Variants in TAMM41 observed in about 807,000 individuals in gnomAD.
TAMM41 encodes the protein TAM41 mitochondrial translocator assembly and maintenance homolog.
Under a neutral mutation model 44.1 loss-of-function variants are expected in TAMM41, and 36 were observed. That is an observed-to-expected ratio of 0.82 (90% CI 0.63 to 1.08). The LOEUF (loss-of-function observed/expected upper bound fraction) is 1.08, where lower values mean the gene tolerates loss of function less well. Ranked by LOEUF, TAMM41 falls within the 50% of genes least tolerant of loss-of-function variation. TAMM41 has a pLI of 0.00. For synonymous variants in TAMM41, 164 were observed against 153.1 expected (o/e 1.07, Z -0.53); for missense variants, 417 against 404.3 (o/e 1.03, Z -0.27).
At chr3:11,784,053 C>T in the TAMM41 span, among the ~76,000 whole-genome samples, 1 of 152,184 alleles carries the variant, frequency 6.6e-6, no homozygotes, top group Non-Finnish European at 1.5e-5. Context: ...CAACCCGATA[C>T]AGACAGGACC....
the TAMM41 span, among the ~76,000 whole-genome samples, chr3:11,727,465 C>CTAT: frequency 6.6e-6 from 1 of 151,956 alleles, no homozygotes; most frequent in Non-Finnish European, 1.5e-5. Flanking sequence ...ACAGATGTTA[C>CTAT]TATTATTATT....
the TAMM41 span, among the ~76,000 whole-genome samples, chr3:11,754,421 T>A: frequency 0.016 from 2,415 of 152,292 alleles, 52 homozygotes; most frequent in African/African-American, 0.054. Context: ...TAACCCAGGC[T>A]GGAGTGCAGT....
At chr3:11,831,790 C>T (rs1446683043) in intron 3 of TAMM41, among the ~76,000 whole-genome samples, 1 of 152,170 alleles carries the variant, frequency 6.6e-6, no homozygotes. Context: ...AATTCTTTTA[C>T]CTTTTTTCCC....
the TAMM41 span, among the ~76,000 whole-genome samples, chr3:11,764,908 G>A: frequency 1.3e-5 from 2 of 152,056 alleles, no homozygotes; most frequent in Non-Finnish European, 2.9e-5. Context: ...TTTTACAATT[G>A]TTTTTGAAAC....
chr3:11,800,048 T>C (rs2077710098), intron 7 of TAMM41, among the ~76,000 whole-genome samples: 1 of 152,154 alleles, frequency 6.6e-6, no homozygotes, highest in Non-Finnish European at 1.5e-5. Context: ...ACTAATGGAA[T>C]CTGTCACCAC....
At chr3:11,780,051 A>G in the TAMM41 span, among the ~76,000 whole-genome samples, 16 of 152,224 alleles carry the variant, frequency 1.1e-4, no homozygotes, top group African/African-American at 3.4e-4. Context: ...TCTCAACTAG[A>G]TGACTACAGT....
chr3:11,846,052 G>A (rs559028479), intron 1 of TAMM41, among the ~76,000 whole-genome samples: 1 of 152,222 alleles, frequency 6.6e-6, no homozygotes, highest in African/African-American at 2.4e-5. Flanking sequence ...AAACTTGGCT[G>A]CGCATTAGAA....
At chr3:11,810,611 C>G (rs1021071048) in intron 5 of TAMM41, among the ~76,000 whole-genome samples, 1 of 152,110 alleles carries the variant, frequency 6.6e-6, no homozygotes, top group Non-Finnish European at 1.5e-5. Flanking sequence ...ATCCTTTTAA[C>G]AAATATTTAG....
At chr3:11,764,905 A>G in the TAMM41 span, among the ~76,000 whole-genome samples, 8 of 152,180 alleles carry the variant, frequency 5.3e-5, no homozygotes. Context: ...TATTTTTACA[A>G]TTGTTTTTGA....
At chr3:11,828,372 A>G (rs1430615574) in intron 4 of TAMM41, among the ~76,000 whole-genome samples, 2 of 152,196 alleles carry the variant, frequency 1.3e-5, no homozygotes, top group African/African-American at 2.4e-5. Flanking sequence ...AATATTCAGA[A>G]TTTAGAAGGA....
chr3:11,730,499 C>T, the TAMM41 span, among the ~76,000 whole-genome samples: 1 of 151,378 alleles, frequency 6.6e-6, no homozygotes, highest in Non-Finnish European at 1.5e-5. Flanking sequence ...TTTTGGGAGG[C>T]CAAGGCAGGT....
At chr3:11,739,880 G>C in the TAMM41 span, among the ~76,000 whole-genome samples, 2 of 151,980 alleles carry the variant, frequency 1.3e-5, no homozygotes, top group Non-Finnish European at 2.9e-5. Flanking sequence ...GCAGTCTCAG[G>C]GGCAAGACTG....
At chr3:11,790,605 T>G (rs1559261723) in intron 7 of TAMM41, 24 bp from the exon 8 acceptor site, 1 of 1,594,008 alleles carries the variant, frequency 6.3e-7, no homozygotes, top group Admixed American at 1.7e-5. Context: ...GATGAGAAAG[T>G]AAGAAGATGG....
the TAMM41 span, among the ~76,000 whole-genome samples, chr3:11,783,947 A>G: frequency 1.3e-5 from 2 of 152,258 alleles, no homozygotes; most frequent in Non-Finnish European, 2.9e-5. Context: ...ATGAGTTAAT[A>G]CAAGAAACAT....
chr3:11,793,855 G>A (rs963070483), intron 7 of TAMM41, among the ~76,000 whole-genome samples: 3 of 152,164 alleles, frequency 2.0e-5, no homozygotes, highest in Non-Finnish European at 2.9e-5. Context: ...TGGAATGACT[G>A]TATTTCTTTA....
the TAMM41 span, among the ~76,000 whole-genome samples, chr3:11,723,048 G>A: frequency 2.0e-5 from 3 of 152,240 alleles, no homozygotes; most frequent in East Asian, 1.9e-4. Context: ...ACTTGAACCC[G>A]GGAGGCAGAG....
At chr3:11,778,999 A>T in the TAMM41 span, among the ~76,000 whole-genome samples, 5 of 152,112 alleles carry the variant, frequency 3.3e-5, no homozygotes, top group African/African-American at 1.2e-4. Context: ...TTGATGCCCA[A>T]CGTTGGAAAT....
At chr3:11,839,402 T>G (rs2079335674) in intron 2 of TAMM41, 88 bp from the exon 3 acceptor site, 1 of 871,200 alleles carries the variant, frequency 1.1e-6, no homozygotes. Context: ...CAGATAAAAT[T>G]CTTGACCAGA....
the TAMM41 span, among the ~76,000 whole-genome samples, chr3:11,782,391 C>CA: frequency 1.3e-5 from 2 of 151,756 alleles, no homozygotes; most frequent in East Asian, 1.9e-4. Context: ...ACTAAAAACA[C>CA]AAAAAATTAG....
Sources: allele counts gnomAD v4.1 joint callset (sites outside exome capture counted in the v4.1 genomes callset), GRCh38; gene constraint gnomAD v4.1.1; transcripts MANE v1.5; gene names NCBI Gene and HGNC (gene_info 2026-07-23, HGNC 2026-07-21).